The following HSD17B11 variants were observed in gnomAD, a reference collection of about 807,000 sequenced individuals.
HSD17B11 encodes the protein hydroxysteroid 17-beta dehydrogenase 11.
A neutral mutation model predicts 27.8 loss-of-function variants in HSD17B11; 22 were observed. The observed-to-expected ratio is 0.79, with a 90% CI of 0.56 to 1.13. HSD17B11 has a LOEUF of 1.13. HSD17B11 is among the 50% of genes most tolerant of loss of function. The probability of loss-of-function intolerance (pLI) is 0.00; values close to 1 mark genes in which losing one functional copy is unlikely to be tolerated. For synonymous variants in HSD17B11, 117 were observed against 132.8 expected, an observed-to-expected ratio of 0.88 and a Z score of 0.82; for missense variants, 314 against 351.1, an observed-to-expected ratio of 0.89 and a Z score of 0.84.
chr4:87,383,460 G>C (rs569547993), intron 1 of HSD17B11, among the ~76,000 whole-genome samples: 2 of 152,150 alleles, frequency 1.3e-5, no homozygotes, highest in Non-Finnish European at 2.9e-5. Flanking sequence ...GTAGAGGAAA[G>C]AATATCCTTT....
chr4:87,366,590 T>G (rs889546667), intron 4 of HSD17B11, among the ~76,000 whole-genome samples: 13 of 152,170 alleles, frequency 8.5e-5, no homozygotes, highest in Non-Finnish European at 1.8e-4. Flanking sequence ...TATGACTTAG[T>G]GTATGTTACT....
At position 87,382,332 on chromosome 4, in the gene HSD17B11, T is replaced by G. The variant is rs547450410; in HGVS notation, c.241A>C (p.Lys81Gln). ...GTATGAACCTTGGCACCCAGTCCCT[T>G]GCATTTGGCAGCTGTTTCCTCCAGT... ...HGLEETAAKC[K>Q]GLGAKVHTFV... The change falls in exon 2 of 7, where the codon AAG becomes CAG. Residue 81 changes from lysine to glutamine, a missense_variant. Lys to Gln is a moderately conservative substitution (Grantham distance 53). Transcript: ENST00000358290. 5.6e-6 allele frequency: 9 copies of G among 1,613,880 alleles called. No homozygotes were observed. The African/African-American group carries it at 8.0e-5, about 14-fold the overall frequency.
At position 87,370,751 on chromosome 4, in the gene HSD17B11, TATTA is replaced by T. The variant is rs1181915100; in HGVS notation, c.557+1954_557+1957del. On this transcript the variant is annotated intron_variant, in intron 4 of 6. Coordinates refer to ENST00000358290, the MANE Select transcript of HSD17B11 (RefSeq NM_016245.5). The stretch of plus-strand genomic sequence containing the variant: ...TTATTATTATTATTATTATTATTAT[TATTA>T]TTTTTTTTTTTTTTTGAGACGGAGT... 5.9e-4 allele frequency among the ~76,000 whole-genome samples: 22 copies of T among 36,994 alleles called. No individual in the cohort carries two copies. The East Asian group carries it at 0.019, about 32-fold the overall frequency. 24.3% of individuals were successfully genotyped at this position (36,994 alleles called of 152,430 possible).
At chr4:87,357,948 A>ATT (rs748955521) in intron 4 of HSD17B11, among the ~76,000 whole-genome samples, 45 of 97,386 alleles carry the variant, frequency 4.6e-4, no homozygotes, top group African/African-American at 8.1e-4. Context: ...TCATTAGAGA[A>ATT]ATTTTTTTTT....
chr4:87,380,805 C>G (rs1236773395), intron 2 of HSD17B11, among the ~76,000 whole-genome samples: 1 of 142,436 alleles, frequency 7.0e-6, no homozygotes, highest in East Asian at 2.1e-4. Flanking sequence ...TTGCAGTGAG[C>G]CGAGATCGCA....
chr4:87,361,648 T>G (rs1735518548), intron 4 of HSD17B11, among the ~76,000 whole-genome samples: 1 of 152,116 alleles, frequency 6.6e-6, no homozygotes, highest in Admixed American at 6.5e-5. Context: ...GCACCTGTAG[T>G]CCCAGCTACT....
chr4:87,368,169 T>C (rs1269861866), intron 4 of HSD17B11, among the ~76,000 whole-genome samples: 1 of 151,988 alleles, frequency 6.6e-6, no homozygotes, highest in East Asian at 1.9e-4. Flanking sequence ...TACAAAAAAT[T>C]AGCCGGGTGT....
intron 4 of HSD17B11, among the ~76,000 whole-genome samples, chr4:87,358,014 T>G (rs1437863048): frequency 1.6e-5 from 2 of 126,642 alleles, no homozygotes; most frequent in East Asian, 2.8e-4. Flanking sequence ...CAGGCTGGAG[T>G]GCGGTGGTGC....
In HSD17B11 at chr4:87,378,778, C is replaced by T. The variant is rs373844830; in HGVS notation, c.318+3477G>A. On this transcript the variant is annotated intron_variant, in intron 2 of 6. Coordinates refer to ENST00000358290, the MANE Select transcript of HSD17B11 (RefSeq NM_016245.5). ...CTCAAATAAGAGAGAATATGTTTTGCGTGTATATATATATGATTTTATATA... is the reference window on the plus strand; with the variant it reads ...CTCAAATAAGAGAGAATATGTTTTGTGTGTATATATATATGATTTTATATA... Among the ~76,000 whole-genome samples, 51 of 112,200 alleles carry T rather than the reference C, an allele frequency of 4.5e-4. 1 individual carries two copies. The highest frequency in any genetic ancestry group is 5.0e-3 in the Middle Eastern group (1 of 200). 73.6% of individuals were successfully genotyped at this position (112,200 alleles called of 152,430 possible).
chr4:87,355,175 T>C (rs745846099), intron 5 of HSD17B11, among the ~76,000 whole-genome samples: 1 of 151,998 alleles, frequency 6.6e-6, no homozygotes, highest in Non-Finnish European at 1.5e-5. Flanking sequence ...CAAAAGTCTA[T>C]CCAAGTAAGC....
Position 87,380,484 on chromosome 4 carries a change from A to AAAAAG in HSD17B11, c.318+1766_318+1770dup, listed in dbSNP as rs1553960404. ...CAAGACTGTCTCAAAAAAAAAAAAAAAAAAGAAAAAAGAAAAGAAAAGAGA... is the reference window on the plus strand; with the variant it reads ...CAAGACTGTCTCAAAAAAAAAAAAAAAAAAGAAAAGAAAAAAGAAAAGAAAAGAGA... On this transcript the variant is annotated intron_variant, in intron 2 of 6. Coordinates refer to ENST00000358290, the MANE Select transcript of HSD17B11 (RefSeq NM_016245.5). 6.6e-3 allele frequency among the ~76,000 whole-genome samples: 913 copies of AAAAAG among 138,660 alleles called. 26 individuals are homozygous for AAAAAG. Among genetic ancestry groups the AAAAAG allele is most frequent in the Admixed American group, 0.034 (435 of 12,918 alleles). 91.0% of individuals were successfully genotyped at this position (138,660 alleles called of 152,430 possible). A position where few individuals can be genotyped will look rare whatever the true frequency, so the allele number is the denominator to read the frequency against.
At chr4:87,389,074 T>G (rs1720388598) in intron 1 of HSD17B11, among the ~76,000 whole-genome samples, 1 of 152,166 alleles carries the variant, frequency 6.6e-6, no homozygotes, top group South Asian at 2.1e-4. Flanking sequence ...TGTGGAAACG[T>G]TGAGTAAGTT....
chr4:87,343,763 G>A (rs1735217984), intron 5 of HSD17B11, among the ~76,000 whole-genome samples: 1 of 152,072 alleles, frequency 6.6e-6, no homozygotes, highest in Non-Finnish European at 1.5e-5. Flanking sequence ...AGCCAGGCTG[G>A]TCTCGAACTC....
At chr4:87,357,251 A>G (rs745938280) in intron 5 of HSD17B11, 28 bp downstream of exon 5, 1 of 1,606,432 alleles carries the variant, frequency 6.2e-7, no homozygotes, top group South Asian at 1.1e-5. Flanking sequence ...GCAACCACCA[A>G]TCCTTTTGTC....
intron 5 of HSD17B11, among the ~76,000 whole-genome samples, chr4:87,355,524 GAA>G (rs150489529): frequency 6.8e-6 from 1 of 147,344 alleles, no homozygotes; most frequent in African/African-American, 2.5e-5. Context: ...AACAACTGGG[GAA>G]AAAAAAAACA....
At position 87,380,484 on chromosome 4, in the gene HSD17B11, A is replaced by G. The variant is rs111450525; in HGVS notation, c.318+1771T>C. On this transcript the variant is annotated intron_variant, in intron 2 of 6. Coordinates refer to ENST00000358290, the MANE Select transcript of HSD17B11 (RefSeq NM_016245.5). ...CAAGACTGTCTCAAAAAAAAAAAAA[A>G]AAAAGAAAAAAGAAAAGAAAAGAGA... Among the ~76,000 whole-genome samples, 1,085 of 138,646 alleles carry G rather than the reference A, an allele frequency of 7.8e-3. 29 individuals carry two copies. The highest frequency in any genetic ancestry group is 0.026 in the African/African-American group (976 of 38,060). The allele number at this position is 138,646 out of a possible 152,430, so 91.0% of individuals were successfully genotyped here. A position where few individuals can be genotyped will look rare whatever the true frequency, so the allele number is the denominator to read the frequency against.
chr4:87,337,677 C>T (rs969131577), intron 6 of HSD17B11, among the ~76,000 whole-genome samples: 7 of 152,144 alleles, frequency 4.6e-5, no homozygotes, highest in African/African-American at 1.2e-4. Flanking sequence ...AAAAGAAACC[C>T]GACATTAAAA....
Position 87,353,124 on chromosome 4 carries a change from T to C in HSD17B11, c.695+4155A>G, listed in dbSNP as rs1176734170. Among the ~76,000 whole-genome samples, 5 of 106,826 alleles carry C rather than the reference T, an allele frequency of 4.7e-5. 2 individuals carry two copies. Among genetic ancestry groups the C allele is most frequent in the Non-Finnish European group, 9.5e-5 (5 of 52,674 alleles). 70.1% of individuals were successfully genotyped at this position (106,826 alleles called of 152,430 possible). On this transcript the variant is annotated intron_variant, in intron 5 of 6. Coordinates refer to ENST00000358290, the MANE Select transcript of HSD17B11 (RefSeq NM_016245.5). ...AGCTGTAGACCGGAGCTGTTCCTAT[T>C]CGGCCATCTTGGCTCCTCCCTCTAG...
intron 5 of HSD17B11, among the ~76,000 whole-genome samples, chr4:87,342,376 C>T (rs79710128): frequency 0.023 from 3,245 of 141,134 alleles, 130 homozygotes; most frequent in African/African-American, 0.087. Context: ...AGTGAAACTT[C>T]GCTGCAAAAA....
Sources: gnomAD v4.1 joint callset for allele counts (sites outside exome capture counted in the v4.1 genomes callset) on GRCh38, gnomAD v4.1.1 for gene constraint, MANE v1.5 for transcripts, NCBI Gene and HGNC (gene_info 2026-07-23, HGNC 2026-07-21) for gene names.